Variants in TNRC6A observed in about 807,000 individuals in gnomAD.
TNRC6A encodes the protein trinucleotide repeat-containing gene 6A protein.
A neutral mutation model predicts 221.2 loss-of-function variants in TNRC6A; 44 were observed. The ratio of observed to expected loss-of-function variants is 0.20; its 90% CI spans 0.16 to 0.26. The LOEUF is 0.26. Among genes scored for constraint, TNRC6A ranks in the 10% least tolerant of loss-of-function variants. TNRC6A has a pLI of 1.00. For missense variants in TNRC6A, 2,199 were observed against 2,404.4 expected (o/e 0.91, Z 1.79); for synonymous variants, 847 against 838.5 (o/e 1.01, Z -0.18).
chr16:24,713,342 T>C (rs1247619528), intron 2 of TNRC6A, among the ~76,000 whole-genome samples: 3 of 152,020 alleles, frequency 2.0e-5, no homozygotes, highest in African/African-American at 7.3e-5. Context: ...TGCCTGAACC[T>C]GGGAGGCAGA....
At chr16:24,805,782 T>C (rs1292664930) in intron 15 of TNRC6A, 49 bp downstream of exon 15, 3 of 1,612,042 alleles carry the variant, frequency 1.9e-6, no homozygotes, top group Non-Finnish European at 2.5e-6. Flanking sequence ...GAGCATCTAC[T>C]GTATGCCAAA....
At chr16:24,696,000 G>A (rs1712489312) in intron 2 of TNRC6A, among the ~76,000 whole-genome samples, 2 of 152,146 alleles carry the variant, frequency 1.3e-5, no homozygotes, top group South Asian at 4.1e-4. Context: ...ATTGACTCAA[G>A]AAGGGAACAG....
chr16:24,703,548 A>AAAAAT (rs1358751382), intron 2 of TNRC6A, among the ~76,000 whole-genome samples: 1 of 152,032 alleles, frequency 6.6e-6, no homozygotes, highest in Non-Finnish European at 1.5e-5. Flanking sequence ...TCCCATCTCA[A>AAAAAT]AAAATAAATT....
intron 2 of TNRC6A, among the ~76,000 whole-genome samples, chr16:24,723,571 G>A (rs1487075387): frequency 1.4e-5 from 2 of 142,096 alleles, no homozygotes; most frequent in African/African-American, 5.3e-5. Flanking sequence ...TCCAGACTGG[G>A]TGACAGAGCA....
intron 2 of TNRC6A, among the ~76,000 whole-genome samples, chr16:24,675,356 C>T (rs1242332642): frequency 6.6e-6 from 1 of 151,860 alleles, no homozygotes; most frequent in Non-Finnish European, 1.5e-5. Context: ...TTTCAGGCTG[C>T]CGAAGGATAC....
intron 1 of TNRC6A, among the ~76,000 whole-genome samples, chr16:24,630,152 A>T (rs1170923140): frequency 1.3e-5 from 2 of 152,168 alleles, no homozygotes; most frequent in Non-Finnish European, 2.9e-5. Context: ...CAACCTAATT[A>T]TACCTGGGCC....
In TNRC6A at chr16:24,629,975, A is replaced by AG. The variant is rs72156277; in HGVS notation, n.277-10909_277-10908insG. On this transcript the variant is annotated intron_variant and non_coding_transcript_variant, in intron 1 of 2. Coordinates refer to the TNRC6A transcript ENST00000566108. ...GTGACAGAGTGAGACCCTGTCTCAAAAAAAAAAATGCACATAACATAATAT... is the reference window on the plus strand; with the variant it reads ...GTGACAGAGTGAGACCCTGTCTCAAAGAAAAAAAATGCACATAACATAATAT... Among the ~76,000 whole-genome samples, 878 of 152,008 alleles carry AG rather than the reference A, an allele frequency of 5.8e-3. 11 individuals are homozygous for AG. Among genetic ancestry groups the AG allele is most frequent in the African/African-American group, 0.019 (777 of 41,412 alleles).
chr16:24,820,224 G>C lies in TNRC6A; in HGVS notation c.5166G>C (p.Leu1722Phe). 6.2e-7 allele frequency: 1 copy of C among 1,614,080 alleles called. No homozygotes were observed. The highest frequency in any genetic ancestry group is 8.5e-7 in the Non-Finnish European group (1 of 1,180,014). ...CTCATGAGCTGTGGAAGGTCCCTTT[G>C]CCACCTAAAAACATCACTGCTCCGT... ...SLAHELWKVPLPPKNITAPSR... is the reference protein window; with the variant it reads ...SLAHELWKVPFPPKNITAPSR... The change falls in exon 22 of 25, where the codon TTG (leucine) becomes TTC (phenylalanine). Residue 1722 changes from leucine to phenylalanine, a missense_variant. By Grantham distance (22) the Leu-to-Phe change is conservative (BLOSUM62 0). Around this residue, in one of 8 missense-constraint regions of TNRC6A, gnomAD observed 449 missense variants for 579.7 expected, o/e 0.77. Transcript: ENST00000395799.
In TNRC6A at chr16:24,790,343, A is replaced by G; in HGVS notation, c.1701A>G (p.Thr567=). ...GPMGTNFQVN[T]NKGGGVWESG... ...TGGGCACTAACTTTCAAGTTAACAC[A>G]AACAAAGGAGGTGGTGTGTGGGAAT... The change falls in exon 6 of 25, where the codon ACA becomes ACG. Residue 567 remains threonine, a synonymous_variant. Transcript: ENST00000395799. 2 of 1,614,240 alleles carry G rather than the reference A, an allele frequency of 1.2e-6. No individual in the cohort carries two copies. Among genetic ancestry groups the G allele is most frequent in the South Asian group, 2.2e-5 (2 of 91,092 alleles).
chr16:24,773,353 T>C (rs986300746), intron 4 of TNRC6A, among the ~76,000 whole-genome samples: 1 of 152,236 alleles, frequency 6.6e-6, no homozygotes, highest in African/African-American at 2.4e-5. Context: ...CTTTTTCTTT[T>C]CTGTTTTTAG....
intron 15 of TNRC6A, 26 bp downstream of exon 15, chr16:24,805,759 G>A (rs961336636): frequency 1.9e-6 from 3 of 1,613,970 alleles, no homozygotes; most frequent in Admixed American, 3.3e-5. Context: ...GTCTTTCTTA[G>A]TACACATTTA....
At chr16:24,670,461 G>A (rs867568114) in intron 2 of TNRC6A, among the ~76,000 whole-genome samples, 53 of 152,122 alleles carry the variant, frequency 3.5e-4, no homozygotes, top group Non-Finnish European at 1.3e-4. Context: ...GAGGCTACGG[G>A]GCTGCTGTTT....
At chr16:24,780,420 C>T (rs902030265) in intron 5 of TNRC6A, among the ~76,000 whole-genome samples, 16 of 152,136 alleles carry the variant, frequency 1.1e-4, no homozygotes, top group African/African-American at 3.9e-4. Flanking sequence ...CCATTATCAC[C>T]CCTAAGTAAA....
chr16:24,744,426 TA>T (rs1246291258), intron 2 of TNRC6A, among the ~76,000 whole-genome samples: 18 of 152,350 alleles, frequency 1.2e-4, no homozygotes, highest in African/African-American at 4.1e-4. Flanking sequence ...TAGTGATTTT[TA>T]AAGTCAACCA....
chr16:24,632,953 G>A (rs1173455394), intron 1 of TNRC6A, among the ~76,000 whole-genome samples: 1 of 149,898 alleles, frequency 6.7e-6, no homozygotes, highest in Non-Finnish European at 1.5e-5. Flanking sequence ...AGGTTGCAGT[G>A]AGTCGAGATT....
intron 2 of TNRC6A, among the ~76,000 whole-genome samples, chr16:24,674,949 G>A (rs900877116): frequency 2.0e-5 from 3 of 151,688 alleles, no homozygotes; most frequent in African/African-American, 7.3e-5. Context: ...GACTAGCTTG[G>A]GCAACGTATT....
chr16:24,770,771 C>G (rs974626063), intron 4 of TNRC6A, among the ~76,000 whole-genome samples: 1 of 152,134 alleles, frequency 6.6e-6, no homozygotes, highest in Non-Finnish European at 1.5e-5. Context: ...TATTTTTAAT[C>G]CAAACTTTTT....
intron 22 of TNRC6A, chr16:24,821,661 A>G (rs984544368): frequency 1.9e-5 from 3 of 160,676 alleles, no homozygotes. Context: ...AACAAGGAGC[A>G]TCTGTGCGAT....
Position 24,793,570 on chromosome 16 carries a change from G to C in TNRC6A, c.3273G>C (p.Trp1091Cys). ...AGCCCATAGACAGTGGTCCCAGCTG[G>C]GGGGAACCCATTGCTGCGGCATCCA... ...WGKPIDSGPS[W>C]GEPIAAASST... Residue 1091 changes from tryptophan to cysteine, a missense_variant, in exon 7 of 25, where the codon TGG (tryptophan) becomes TGC (cysteine). Physicochemically the swap from Trp to Cys is radical, Grantham distance 215. Coordinates refer to ENST00000395799, the MANE Select transcript of TNRC6A (RefSeq NM_014494.4). 6.4e-7 allele frequency: 1 copy of C among 1,571,156 alleles called. No individual in the cohort carries two copies.
Sources: gnomAD v4.1 joint callset for allele counts (sites outside exome capture counted in the v4.1 genomes callset) on GRCh38, gnomAD v4.1.1 for gene constraint, gnomAD v4.1.1 regional missense constraint, MANE v1.5 for transcripts, NCBI Gene and HGNC (gene_info 2026-07-23, HGNC 2026-07-21) for gene names.